The following CTXND1 variants were observed in gnomAD, a reference collection of about 807,000 sequenced individuals.
CTXND1 encodes cortexin domain containing 1.
At position 80,201,869 on chromosome 15, in the gene CTXND1, G is replaced by A; in HGVS notation, c.81C>T (p.Leu27=). The part of the protein sequence containing the change: ...LTLACFVFLC[L]FLVVMIIRCA... ...AGCGGATGATCATCACGACAAGGAAGAGGCAGAGGAAGACGAAGCAGGCCA... is the reference window on the plus strand; with the variant it reads ...AGCGGATGATCATCACGACAAGGAAAAGGCAGAGGAAGACGAAGCAGGCCA... Residue 27 remains leucine (L), a synonymous_variant, in exon 3 of 3, where the codon CTC becomes CTT. Coordinates refer to ENST00000560778, the MANE Select transcript of CTXND1 (RefSeq NM_001352888.2). 1 of 398,918 alleles carries A rather than the reference G, an allele frequency of 2.5e-6. No individual in the cohort carries two copies. The highest frequency in any genetic ancestry group is 4.4e-6 in the Non-Finnish European group (1 of 226,174). 24.7% of individuals were successfully genotyped at this position (398,918 alleles called of 1,614,324 possible).
chr15:80,209,416 C>T (rs1893182050), intron 1 of CTXND1, among the ~76,000 whole-genome samples: 5 of 152,214 alleles, frequency 3.3e-5, no homozygotes, highest in Admixed American at 3.3e-4. Flanking sequence ...ACTGCATCAT[C>T]CTTCAACACT....
At chr15:80,241,125 G>A (rs1187919897) in intron 1 of CTXND1, among the ~76,000 whole-genome samples, 3 of 152,148 alleles carry the variant, frequency 2.0e-5, no homozygotes, top group Non-Finnish European at 4.4e-5. Flanking sequence ...AAGAGATGGG[G>A]GCAACTACCG....
intron 2 of CTXND1, among the ~76,000 whole-genome samples, chr15:80,202,977 C>G (rs1264354939): frequency 6.6e-6 from 1 of 152,238 alleles, no homozygotes; most frequent in East Asian, 1.9e-4. Context: ...TGCAACTTCT[C>G]TGGGTCCTAA....
intron 1 of CTXND1, among the ~76,000 whole-genome samples, chr15:80,229,826 ACAT>A (rs1430704168): frequency 5.9e-5 from 9 of 152,218 alleles, no homozygotes; most frequent in Non-Finnish European, 1.0e-4. Flanking sequence ...AAAATACATT[ACAT>A]GGAGTTCTTA....
rs887042555 is a variant in CTXND1 at position 80,201,983 on chromosome 15, G to A, written c.-34C>T. On this transcript the variant is annotated 5_prime_UTR_variant, in exon 3 of 3. Coordinates refer to ENST00000560778, the MANE Select transcript of CTXND1 (RefSeq NM_001352888.2). ...AGCGACTGCGGGCTGCTCCTCCTCC[G>A]CCTCGGGTTTGACTGGTACCATTTT... 8 of 398,964 alleles carry A rather than the reference G, an allele frequency of 2.0e-5. No individual in the cohort carries two copies. The highest frequency in any genetic ancestry group is 3.6e-5 in the East Asian group (1 of 28,108). The allele number at this position is 398,964 out of a possible 1,614,324, so 24.7% of individuals were successfully genotyped here. A position where few individuals can be genotyped will look rare whatever the true frequency, so the allele number is the denominator to read the frequency against.
intron 1 of CTXND1, among the ~76,000 whole-genome samples, chr15:80,217,844 G>T (rs1734501455): frequency 6.6e-6 from 1 of 152,188 alleles, no homozygotes; most frequent in South Asian, 2.1e-4. Flanking sequence ...ACCATGGCCA[G>T]CCCACTAATA....
intron 1 of CTXND1, among the ~76,000 whole-genome samples, chr15:80,221,085 A>G (rs1196505267): frequency 6.6e-6 from 1 of 151,738 alleles, no homozygotes; most frequent in Non-Finnish European, 1.5e-5. Flanking sequence ...ATTTTTTTGT[A>G]TTTTTAGTAG....
At chr15:80,226,682 C>T (rs546690156) in intron 1 of CTXND1, among the ~76,000 whole-genome samples, 1 of 152,316 alleles carries the variant, frequency 6.6e-6, no homozygotes, top group Non-Finnish European at 1.5e-5. Flanking sequence ...TGCTGCTCTA[C>T]TAGGGACAGC....
chr15:80,215,859 C>G (rs1036562012), intron 1 of CTXND1, among the ~76,000 whole-genome samples: 1 of 152,130 alleles, frequency 6.6e-6, no homozygotes, highest in Non-Finnish European at 1.5e-5. Context: ...TTAGGGGAGA[C>G]TGGGCTACTG....
chr15:80,203,284 C>T (rs1391014711), intron 2 of CTXND1, among the ~76,000 whole-genome samples: 2 of 152,174 alleles, frequency 1.3e-5, no homozygotes, highest in African/African-American at 4.8e-5. Context: ...TTATTTAAAG[C>T]TCATGATACC....
chr15:80,232,698 C>A (rs967056353), intron 1 of CTXND1, among the ~76,000 whole-genome samples: 2 of 152,180 alleles, frequency 1.3e-5, no homozygotes, highest in African/African-American at 4.8e-5. Context: ...CTCTCCATCT[C>A]CCCAAAGCAC....
Position 80,205,297 on chromosome 15 carries a change from G to A in CTXND1, c.-217-1557C>T, listed in dbSNP as rs956339205. ...ATCTTTTGTTTTTCATGTATTGATG[G>A]AGTAAATGTCCTTGTAGCGATGTCA... On this transcript the variant is annotated intron_variant, in intron 1 of 2. Coordinates refer to ENST00000560778, the MANE Select transcript of CTXND1 (RefSeq NM_001352888.2). Among the ~76,000 whole-genome samples, 25 of 152,166 alleles carry A rather than the reference G, an allele frequency of 1.6e-4. No homozygotes were observed. In the East Asian group the frequency reaches 4.4e-3, roughly 27 times the overall value.
At chr15:80,245,199 C>G (rs1054683764) in intron 1 of CTXND1, among the ~76,000 whole-genome samples, 5 of 152,132 alleles carry the variant, frequency 3.3e-5, no homozygotes, top group African/African-American at 9.7e-5. Flanking sequence ...CATAGCTGAA[C>G]AGTTTGGGGC....
rs114874092 is a variant in CTXND1, at chr15:80,214,004, T to C, written c.-217-10264A>G. On this transcript the variant is annotated intron_variant, in intron 1 of 2. Transcript: ENST00000560778. ...TAGAGAATAATGAGAATAATAAAAC[T>C]GGTAAGGCAATAACCTACTGTGTTT... Among the ~76,000 whole-genome samples the C allele has an allele frequency of 3.6e-3, 545 of 152,152 alleles. 3 individuals are homozygous for C. The highest frequency in any genetic ancestry group is 0.013 in the African/African-American group (532 of 41,522).
intron 1 of CTXND1, among the ~76,000 whole-genome samples, chr15:80,218,014 C>G (rs1346429782): frequency 6.6e-6 from 1 of 152,174 alleles, no homozygotes; most frequent in Non-Finnish European, 1.5e-5. Flanking sequence ...TTATAGGAAT[C>G]TGGGAAATGT....
intron 1 of CTXND1, among the ~76,000 whole-genome samples, chr15:80,207,613 T>C (rs1893161425): frequency 6.6e-6 from 1 of 152,226 alleles, no homozygotes; most frequent in Admixed American, 6.5e-5. Flanking sequence ...CTGATAAACA[T>C]TTCAGTGAGT....
chr15:80,238,354 T>G (rs1028810525), intron 1 of CTXND1, among the ~76,000 whole-genome samples: 1 of 152,202 alleles, frequency 6.6e-6, no homozygotes. Flanking sequence ...GTGCTATAAT[T>G]GTGTCATATG....
rs1449654228 is a variant in CTXND1, at chr15:80,251,995, C to G, written c.-218+12G>C. The G allele has an allele frequency of 6.6e-6, 1 of 151,774 alleles. No homozygotes were observed. The highest frequency in any genetic ancestry group is 2.4e-5 in the African/African-American group (1 of 41,400). The allele number at this position is 151,774 out of a possible 1,614,324, so 9.4% of individuals were successfully genotyped here. A position where few individuals can be genotyped will look rare whatever the true frequency, so the allele number is the denominator to read the frequency against. On this transcript the variant is annotated intron_variant, in intron 1 of 2. Coordinates refer to ENST00000560778, the MANE Select transcript of CTXND1 (RefSeq NM_001352888.2). ...GCGGCAGCGGGTCCCGGGATGCTCCCGCGGTCCTTACCTGGCGAGGCCCGT... is the reference window on the plus strand; with the variant it reads ...GCGGCAGCGGGTCCCGGGATGCTCCGGCGGTCCTTACCTGGCGAGGCCCGT...
At chr15:80,232,514 A>G (rs1376411912) in intron 1 of CTXND1, among the ~76,000 whole-genome samples, 1 of 152,180 alleles carries the variant, frequency 6.6e-6, no homozygotes, top group Non-Finnish European at 1.5e-5. Context: ...TTTCTTCTCC[A>G]AATAATGAAG....
Sources: allele counts gnomAD v4.1 joint callset (sites outside exome capture counted in the v4.1 genomes callset), GRCh38; gene constraint gnomAD v4.1.1; transcripts MANE v1.5; gene names NCBI Gene and HGNC (gene_info 2026-07-23, HGNC 2026-07-21).